FBN3: variants seen among roughly 807,000 people sequenced by gnomAD.
FBN3 encodes fibrillin 3.
Under a neutral mutation model 330.1 loss-of-function variants are expected in FBN3, and 234 were observed. The observed-to-expected ratio is 0.71, with a 90% CI of 0.64 to 0.79. The LOEUF (loss-of-function observed/expected upper bound fraction) is 0.79. Ranked by LOEUF, FBN3 falls within the 30% of genes least tolerant of loss-of-function variation. The pLI, the probability that FBN3 is intolerant of heterozygous loss-of-function variation, is 0.00. For synonymous variants in FBN3, 1,458 were observed against 1,517.3 expected (o/e 0.96, Z 0.91); for missense variants, 3,606 against 3,886.9 (o/e 0.93, Z 1.92).
chr19:8,124,285 T>A (rs2082927074), intron 22 of FBN3, among the ~76,000 whole-genome samples: 1 of 152,066 alleles, frequency 6.6e-6, no homozygotes, highest in Non-Finnish European at 1.5e-5. Flanking sequence ...GCTCTGTCAC[T>A]CAGGCTGGAG....
chr19:8,086,763 C>T (rs1007802573), intron 54 of FBN3, among the ~76,000 whole-genome samples: 3 of 151,304 alleles, frequency 2.0e-5, no homozygotes, highest in Admixed American at 6.6e-5. Flanking sequence ...GCACCGTGCC[C>T]AGCCTTATTT....
intron 39 of FBN3, 100 bp downstream of exon 39, chr19:8,103,462 T>C: frequency 7.9e-7 from 1 of 1,259,486 alleles, no homozygotes; most frequent in East Asian, 2.4e-5. Flanking sequence ...CATATATGCT[T>C]ACCCTCCCTC....
chr19:8,122,864 C>T lies in FBN3; in HGVS notation c.3082+600G>A, dbSNP rs1403195487. Among the ~76,000 whole-genome samples, 4 of 150,692 alleles carry T rather than the reference C, an allele frequency of 2.7e-5. No individual in the cohort carries two copies. The East Asian group carries it at 6.0e-4, about 22-fold the overall frequency. On this transcript the variant is annotated intron_variant, in intron 24 of 63. Coordinates refer to ENST00000600128, the MANE Select transcript of FBN3 (RefSeq NM_032447.5). ...ATTTTTAGTAGAGACAGGGTTTCAC[C>T]GTGTTAGCCAGGATGGTCTCGATCT...
rs747670505 is a variant in FBN3 at position 8,086,252 on chromosome 19, C to G, written c.6828G>C (p.Arg2276=). 6.2e-7 allele frequency: 1 copy of G among 1,611,258 alleles called. No homozygotes were observed. Among genetic ancestry groups the G allele is most frequent in the East Asian group, 2.2e-5 (1 of 44,602 alleles). The part of the protein sequence containing the change: ...GRCVNTAGSF[R]CDCDEGFQPS... ...GCTGGAATCCCTCATCACAGTCGCA[C>G]CGGAAGCTGCCCGCGGTGTTGACAC... The change falls in exon 55 of 64, where the codon CGG becomes CGC. Residue 2276 remains arginine, a synonymous_variant. Coordinates refer to ENST00000600128, the MANE Select transcript of FBN3 (RefSeq NM_032447.5).
Position 8,097,393 on chromosome 19 carries a change from A to G in FBN3, c.5183T>C (p.Ile1728Thr), listed in dbSNP as rs764050162. 1 of 1,603,856 alleles carries G rather than the reference A, an allele frequency of 6.2e-7. No individual in the cohort carries two copies. The highest frequency in any genetic ancestry group is 1.1e-5 in the South Asian group (1 of 90,624). Residue 1728 changes from isoleucine (I) to threonine (T), a missense_variant, in exon 42 of 64, where the codon ATC (isoleucine) becomes ACC (threonine). Physicochemically the swap from Ile to Thr is moderately conservative, Grantham distance 89. Transcript: ENST00000600128. ...GATGCCATTGGCACAGATGGCGGGG[A>G]TCTCCCCACACTCATCAATGTCTGC... ...KPLDIDECGEIPAICANGICI... is the reference protein window; with the variant it reads ...KPLDIDECGETPAICANGICI...
chr19:8,085,354 G>A lies in FBN3; in HGVS notation c.7087+9C>T. 6.4e-7 allele frequency: 1 copy of A among 1,562,738 alleles called. No homozygotes were observed. The highest frequency in any genetic ancestry group is 1.2e-5 in the South Asian group (1 of 84,492). ...CCTCCCTGGGGGTCCTGAGGGCATG[G>A]GCACCCACCTCGGCCCTCAGCAGTG... On this transcript the variant is annotated intron_variant, in intron 56 of 63. Coordinates refer to ENST00000600128, the MANE Select transcript of FBN3 (RefSeq NM_032447.5).
At position 8,146,140 on chromosome 19, in the gene FBN3, G is replaced by C; in HGVS notation, c.336C>G (p.Cys112Trp). 6.3e-7 allele frequency: 1 copy of C among 1,595,986 alleles called. No homozygotes were observed. The highest frequency in any genetic ancestry group is 8.5e-7 in the Non-Finnish European group (1 of 1,172,774). The change falls in exon 4 of 64, where the codon TGC (cysteine) becomes TGG (tryptophan). Residue 112 changes from cysteine to tryptophan, a missense_variant. By Grantham distance (215) the Cys-to-Trp change is radical. Transcript: ENST00000600128. ...CTTCCCGCTCACCTCGGCTCACCCC[G>C]CAGCTGGGAGCCAGCGTCCCATCCG... ...TCADGTLAPSCGVSRGSGCSV... is the reference protein window; with the variant it reads ...TCADGTLAPSWGVSRGSGCSV...
intron 24 of FBN3, among the ~76,000 whole-genome samples, chr19:8,122,674 C>G (rs965167329): frequency 7.0e-6 from 1 of 142,992 alleles, no homozygotes; most frequent in South Asian, 2.2e-4. Context: ...GCCCAGCGCC[C>G]CCTTTTTTTT....
Position 8,081,527 on chromosome 19 carries a change from C to T in FBN3, c.7214-47G>A, listed in dbSNP as rs761125137. 2.6e-6 allele frequency: 4 copies of T among 1,539,072 alleles called. No individual in the cohort carries two copies. In the East Asian group the frequency reaches 6.9e-5, roughly 26 times the overall value. On this transcript the variant is annotated intron_variant, in intron 57 of 63. Coordinates refer to ENST00000600128, the MANE Select transcript of FBN3 (RefSeq NM_032447.5). ...AGTGGGGCGGGGTTAGACAGACATT[C>T]CCTGGGGGTGTTCAGGGACTGAGGT...
chr19:8,069,022 T>G (rs2081454601), intron 63 of FBN3, among the ~76,000 whole-genome samples: 1 of 152,116 alleles, frequency 6.6e-6, no homozygotes, highest in South Asian at 2.1e-4. Context: ...CTAAGGTCAC[T>G]CAGAAATGTC....
At position 8,088,095 on chromosome 19, in the gene FBN3, T is replaced by C; in HGVS notation, c.6461A>G (p.Asp2154Gly). 1 of 1,614,034 alleles carries C rather than the reference T, an allele frequency of 6.2e-7. No homozygotes were observed. Among genetic ancestry groups the C allele is most frequent in the Non-Finnish European group, 8.5e-7 (1 of 1,180,022 alleles). The change falls in exon 52 of 64, where the codon GAC becomes GGC. Residue 2154 changes from aspartate to glycine, a missense_variant. Physicochemically the swap from Asp to Gly is moderately conservative, Grantham distance 94. Coordinates refer to ENST00000600128, the MANE Select transcript of FBN3 (RefSeq NM_032447.5). ...VIGGFECACA[D>G]GFEPGLMMTC... Reference sequence around the variant, plus strand: ...CATCATGAGGCCAGGCTCAAAGCCGTCAGCACAGGCACATTCGAAGCCTCC... The same window carrying C: ...CATCATGAGGCCAGGCTCAAAGCCGCCAGCACAGGCACATTCGAAGCCTCC...
intron 13 of FBN3, 101 bp downstream of exon 13, chr19:8,135,860 G>A (rs2083265341): frequency 7.5e-7 from 1 of 1,334,218 alleles, no homozygotes; most frequent in Admixed American, 2.0e-5. Flanking sequence ...ACGTCGTAGG[G>A]AGGGAGGTGG....
At chr19:8,110,737 A>C (rs1224559823) in intron 34 of FBN3, 108 bp downstream of exon 34, 1 of 1,422,128 alleles carries the variant, frequency 7.0e-7, no homozygotes, top group African/African-American at 1.4e-5. Context: ...GCAAGACTGC[A>C]GGGGAGGATG....
intron 33 of FBN3, 31 bp from the exon 34 acceptor site, chr19:8,110,998 CCA>C (rs750903067): frequency 1.2e-6 from 2 of 1,614,168 alleles, no homozygotes; most frequent in South Asian, 2.2e-5. Flanking sequence ...CCTGCCCCAC[CCA>C]GAGTCTGCAG....
Position 8,096,179 on chromosome 19 carries a change from C to T in FBN3, c.5540-99G>A. 1 of 959,564 alleles carries T rather than the reference C, an allele frequency of 1.0e-6. No individual in the cohort carries two copies. The highest frequency in any genetic ancestry group is 2.4e-5 in the East Asian group (1 of 41,730). The allele number at this position is 959,564 out of a possible 1,614,324, so 59.4% of individuals were successfully genotyped here. On this transcript the variant is annotated intron_variant, in intron 44 of 63. Coordinates refer to ENST00000600128, the MANE Select transcript of FBN3 (RefSeq NM_032447.5). This position sits in a 1 kb window ranked among gnomAD's most constrained non-coding sequence, Gnocchi z 4.6. ...TGGACCTAGCACTCCTCCCCTGCAC[C>T]TAGCCCTGCCTAGATGACTGGGCAG...
chr19:8,091,738 T>C (rs61301669), intron 47 of FBN3, 148 bp from the exon 48 acceptor site: 160,184 of 784,010 alleles, frequency 0.2, 17,645 homozygotes, highest in Middle Eastern at 0.25. Context: ...AGTATGAGCT[T>C]CAGCACGAGG....
rs866374586 is a variant in FBN3, at chr19:8,147,446, G to T, written c.35C>A (p.Pro12His). ...CCAGGCCAGCAGGAGCCGGGCCAGGGGGCCCCTTGCCAAATACAGACCCTC... is the reference window on the plus strand; with the variant it reads ...CCAGGCCAGCAGGAGCCGGGCCAGGTGGCCCCTTGCCAAATACAGACCCTC... ...TLEGLYLARGPLARLLLAWSA... is the reference protein window; with the variant it reads ...TLEGLYLARGHLARLLLAWSA... The change falls in exon 2 of 64, where the codon CCC becomes CAC. Residue 12 changes from proline to histidine, a missense_variant. Coordinates refer to ENST00000600128, the MANE Select transcript of FBN3 (RefSeq NM_032447.5). 1 of 1,563,078 alleles carries T rather than the reference G, an allele frequency of 6.4e-7. No homozygotes were observed. Among genetic ancestry groups the T allele is most frequent in the East Asian group, 2.3e-5 (1 of 43,498 alleles).
At chr19:8,102,638 T>G in intron 40 of FBN3, 86 bp downstream of exon 40, 1 of 1,360,034 alleles carries the variant, frequency 7.4e-7, no homozygotes, top group East Asian at 2.3e-5. Context: ...GGAGGATTAA[T>G]CTAAGAACCC....
intron 1 of FBN3, chr19:8,148,795 G>C (rs530895109): frequency 6.6e-6 from 1 of 152,512 alleles, no homozygotes; most frequent in East Asian, 1.9e-4. Context: ...GTCAACGTTG[G>C]AGGGTTGGCT....
Sources: allele counts gnomAD v4.1 joint callset (sites outside exome capture counted in the v4.1 genomes callset), GRCh38; gene constraint gnomAD v4.1.1; non-coding constraint Gnocchi (gnomAD v3.1); transcripts MANE v1.5; gene names NCBI Gene and HGNC (gene_info 2026-07-23, HGNC 2026-07-21).